The following NSD3 variants were observed in gnomAD, a reference collection of about 807,000 sequenced individuals.
The protein encoded by NSD3 is nuclear receptor binding SET domain protein 3, also known as histone-lysine N-methyltransferase NSD3.
A neutral mutation model predicts 160.8 loss-of-function variants in NSD3; 24 were observed. The observed-to-expected ratio is 0.15, with a 90% CI of 0.11 to 0.21. The LOEUF is 0.21. NSD3 is among the 10% of genes least tolerant of loss of function. NSD3 has a pLI of 1.00. For missense variants in NSD3, 1,157 were observed against 1,735.9 expected, an observed-to-expected ratio of 0.67 and a Z score of 5.93; for synonymous variants, 520 against 600.0, an observed-to-expected ratio of 0.87 and a Z score of 1.95.
intron 1 of NSD3, among the ~76,000 whole-genome samples, chr8:38,349,665 T>TTATATATATATATATATA (rs71519992): frequency 6.8e-4 from 75 of 109,746 alleles, no homozygotes; most frequent in African/African-American, 2.1e-3. Flanking sequence ...ATTTCTTTCT[T>TTATATATATATATATATA]TATATATATA....
At chr8:38,306,162 G>T (rs1225838508) in intron 12 of NSD3, among the ~76,000 whole-genome samples, 1 of 151,700 alleles carries the variant, frequency 6.6e-6, no homozygotes, top group Non-Finnish European at 1.5e-5. Flanking sequence ...CCTCTGGTAA[G>T]AATAATAAAA....
chr8:38,362,760 C>T (rs898365835), intron 1 of NSD3, among the ~76,000 whole-genome samples: 1 of 152,114 alleles, frequency 6.6e-6, no homozygotes, highest in Non-Finnish European at 1.5e-5. Flanking sequence ...TATTATGACA[C>T]GAAGCTCTGT....
intron 16 of NSD3, among the ~76,000 whole-genome samples, chr8:38,294,661 A>T (rs1287795048): frequency 6.6e-6 from 1 of 152,116 alleles, no homozygotes; most frequent in Non-Finnish European, 1.5e-5. Flanking sequence ...AAATCAACAT[A>T]TATCTAATTA....
rs189080497 is a variant in NSD3 at position 38,349,482 on chromosome 8, C to A, written c.-44-1267G>T. Among the ~76,000 whole-genome samples the A allele has an allele frequency of 8.6e-5, 13 of 151,656 alleles. No homozygotes were observed. The East Asian group carries it at 2.3e-3, about 27-fold the overall frequency. On this transcript the variant is annotated intron_variant, in intron 1 of 23. Coordinates refer to ENST00000317025, the MANE Select transcript of NSD3 (RefSeq NM_023034.2). ...TATAGGCATGAGTCACCACGCCTGG[C>A]CTGAAACATTCTCTAAACTCTGTTT...
At chr8:38,311,205 G>A (rs1442830128) in intron 12 of NSD3, among the ~76,000 whole-genome samples, 3 of 151,546 alleles carry the variant, frequency 2.0e-5, no homozygotes, top group Non-Finnish European at 2.9e-5. Context: ...ATGAGCCATT[G>A]CACCTGGCCC....
intron 7 of NSD3, among the ~76,000 whole-genome samples, chr8:38,323,792 C>A (rs1809845920): frequency 7.1e-6 from 1 of 140,170 alleles, no homozygotes; most frequent in Non-Finnish European, 1.5e-5. Flanking sequence ...CACACCACTG[C>A]ACTTCAACTT....
intron 1 of NSD3, among the ~76,000 whole-genome samples, chr8:38,378,175 A>T (rs969285394): frequency 6.6e-6 from 1 of 151,980 alleles, no homozygotes; most frequent in Non-Finnish European, 1.5e-5. Flanking sequence ...AACAAGAGTG[A>T]AACTCCGTGT....
At chr8:38,345,269 A>C in intron 2 of NSD3, among the ~76,000 whole-genome samples, 1 of 121,032 alleles carries the variant, frequency 8.3e-6, no homozygotes. Flanking sequence ...GAAGGAAGGA[A>C]TGGAAGGGGG....
intron 16 of NSD3, among the ~76,000 whole-genome samples, chr8:38,291,274 T>A (rs892135140): frequency 5.9e-5 from 9 of 152,174 alleles, no homozygotes; most frequent in Non-Finnish European, 1.0e-4. Context: ...TATAACTGTT[T>A]CAGGCTATGA....
In NSD3 at chr8:38,295,143, CA is replaced by C. The variant is rs746596031; in HGVS notation, c.2915+652del. ...TGGACGACAAAGCAACACTCCGTCTCAAAAAAAAAAAAAAAAAAAAGTTTTT... is the reference window on the plus strand; with the variant it reads ...TGGACGACAAAGCAACACTCCGTCTCAAAAAAAAAAAAAAAAAAAGTTTTT... On this transcript the variant is annotated intron_variant, in intron 16 of 23. Coordinates refer to ENST00000317025, the MANE Select transcript of NSD3 (RefSeq NM_023034.2). Among the ~76,000 whole-genome samples the C allele has an allele frequency of 9.4e-3, 333 of 35,290 alleles. 1 individual carries two copies. Among genetic ancestry groups the C allele is most frequent in the African/African-American group, 0.026 (217 of 8,340 alleles). The allele number at this position is 35,290 out of a possible 152,430, so 23.2% of individuals were successfully genotyped here. A position where few individuals can be genotyped will look rare whatever the true frequency, so the allele number is the denominator to read the frequency against.
intron 12 of NSD3, among the ~76,000 whole-genome samples, chr8:38,307,140 AAAT>A (rs1809427086): frequency 6.7e-6 from 1 of 149,952 alleles, no homozygotes; most frequent in Admixed American, 6.6e-5. Context: ...AAAATAAAAT[AAAT>A]AAATAAATAA....
rs1392036711 is a variant in NSD3, at chr8:38,272,109, G to A, written c.*3532C>T. On this transcript the variant is annotated 3_prime_UTR_variant, in exon 24 of 24. Coordinates refer to ENST00000317025, the MANE Select transcript of NSD3 (RefSeq NM_023034.2). ...CATCTGAGGGTCCTTTACATGATTA[G>A]ATACTCAATATCTCAGTTCCACAAC... 6.6e-6 allele frequency: 1 copy of A among 152,200 alleles called. No homozygotes were observed. Among genetic ancestry groups the A allele is most frequent in the Non-Finnish European group, 1.5e-5 (1 of 68,032 alleles). The allele number at this position is 152,200 out of a possible 1,614,324, so 9.4% of individuals were successfully genotyped here.
At position 38,337,346 on chromosome 8, in the gene NSD3, C is replaced by G. The variant is rs769255691; in HGVS notation, c.869G>C (p.Ser290Thr). The G allele has an allele frequency of 1.2e-5, 19 of 1,611,458 alleles. No homozygotes were observed. The highest frequency in any genetic ancestry group is 1.6e-5 in the Non-Finnish European group (19 of 1,179,134). Residue 290 changes from serine to threonine, a missense_variant, in exon 4 of 24, where the codon AGT (serine) becomes ACT (threonine). Ser to Thr is a moderately conservative substitution (Grantham distance 58). Coordinates refer to ENST00000317025, the MANE Select transcript of NSD3 (RefSeq NM_023034.2). ...TYPWWPCMVS[S>T]DPQLEVHTKI... is the part of the protein sequence containing the mutation. The stretch of plus-strand genomic sequence containing the variant: ...AGTATGAACCTCAAGCTGGGGATCA[C>G]TTGAAACCATACAAGGCCACCAAGG...
chr8:38,358,154 G>A (rs1810870255), intron 1 of NSD3, among the ~76,000 whole-genome samples: 2 of 152,086 alleles, frequency 1.3e-5, no homozygotes, highest in African/African-American at 4.8e-5. Flanking sequence ...AAATACAATT[G>A]TCATAGTTGT....
chr8:38,301,324 T>TG (rs1359326131), intron 14 of NSD3, among the ~76,000 whole-genome samples: 2 of 152,168 alleles, frequency 1.3e-5, no homozygotes, highest in Non-Finnish European at 2.9e-5. Context: ...ACGCCTGTAA[T>TG]CCCAGCACTT....
At chr8:38,294,332 G>A (rs1809080710) in intron 16 of NSD3, among the ~76,000 whole-genome samples, 1 of 152,132 alleles carries the variant, frequency 6.6e-6, no homozygotes, top group Admixed American at 6.5e-5. Context: ...CTCAGCTCAA[G>A]CAATCCACCT....
At position 38,270,852 on chromosome 8, in the gene NSD3, C is replaced by T. The variant is rs1485167205; in HGVS notation, c.*4789G>A. On this transcript the variant is annotated 3_prime_UTR_variant, in exon 24 of 24. Transcript: ENST00000317025. ...AAGGACAGGCAATTCTCATCCCCCT[C>T]CCGCTTCATACATACGTGCCACAAG... is the stretch of plus-strand genomic sequence containing the variant. The T allele has an allele frequency of 6.6e-6, 1 of 152,260 alleles. No homozygotes were observed. The highest frequency in any genetic ancestry group is 1.5e-5 in the Non-Finnish European group (1 of 68,050). 9.4% of individuals were successfully genotyped at this position (152,260 alleles called of 1,614,324 possible).
rs767050165 is a variant in NSD3 at position 38,321,881 on chromosome 8, C to A, written c.1709-709G>T. On this transcript the variant is annotated intron_variant, in intron 7 of 23. Coordinates refer to ENST00000317025, the MANE Select transcript of NSD3 (RefSeq NM_023034.2). The surrounding 1 kb of genome is among the most constrained non-coding windows in gnomAD (Gnocchi z 4.7). ...TTTAAAGAGTACAATTCTTTAAAAG[C>A]GAATTGAAGAAAACTCACATGGACC... Among the ~76,000 whole-genome samples, 1 of 152,008 alleles carries A rather than the reference C, an allele frequency of 6.6e-6. No individual in the cohort carries two copies. The highest frequency in any genetic ancestry group is 6.6e-5 in the Admixed American group (1 of 15,266).
chr8:38,365,096 T>C (rs1354369749), intron 1 of NSD3, among the ~76,000 whole-genome samples: 4 of 152,216 alleles, frequency 2.6e-5, no homozygotes, highest in African/African-American at 9.6e-5. Context: ...ATAGAATTTA[T>C]TTAGTATATA....
Sources: gnomAD v4.1 joint callset for allele counts (sites outside exome capture counted in the v4.1 genomes callset) on GRCh38, gnomAD v4.1.1 for gene constraint, Gnocchi (gnomAD v3.1) non-coding constraint, MANE v1.5 for transcripts, NCBI Gene and HGNC (gene_info 2026-07-23, HGNC 2026-07-21) for gene names.